PARP8: variants seen among roughly 807,000 people sequenced by gnomAD.
PARP8 encodes protein mono-ADP-ribosyltransferase PARP8.
Under a neutral mutation model 124.1 loss-of-function variants are expected in PARP8, and 51 were observed. That is an observed-to-expected ratio of 0.41 (90% CI 0.33 to 0.52). The LOEUF (loss-of-function observed/expected upper bound fraction) is 0.52. Among genes scored for constraint, PARP8 ranks in the 20% least tolerant of loss-of-function variants. The pLI, the probability that PARP8 is intolerant of heterozygous loss-of-function variation, is 0.21. For missense variants in PARP8, 860 were observed against 1,018.9 expected (o/e 0.84, Z 2.12); for synonymous variants, 391 against 361.5 (o/e 1.08, Z -0.93).
chr5:50,796,361 G>A (rs1742555319), intron 12 of PARP8, among the ~76,000 whole-genome samples: 1 of 152,130 alleles, frequency 6.6e-6, no homozygotes, highest in South Asian at 2.1e-4. Context: ...TATCTGAAAA[G>A]TTGAGTATGT....
At chr5:50,763,110 C>T (rs756914587) in intron 6 of PARP8, 38 bp from the exon 7 acceptor site, 1 of 1,506,336 alleles carries the variant, frequency 6.6e-7, no homozygotes. Context: ...TGATTCTGTT[C>T]ACTTCTGAGA....
chr5:50,775,421 G>A (rs907998127), intron 7 of PARP8, among the ~76,000 whole-genome samples: 12 of 152,112 alleles, frequency 7.9e-5, no homozygotes, highest in Admixed American at 3.9e-4. Flanking sequence ...CAAGCGTGGC[G>A]GCGCGTGCCT....
At chr5:50,827,115 T>C (rs1746435274) in intron 19 of PARP8, among the ~76,000 whole-genome samples, 1 of 152,156 alleles carries the variant, frequency 6.6e-6, no homozygotes, top group African/African-American at 2.4e-5. Context: ...TAATGTGCTT[T>C]ATAATCGTTG....
Position 50,667,177 on chromosome 5 carries a change from C to T in PARP8, c.82C>T (p.Leu28=), listed in dbSNP as rs1303752376. 6.3e-7 allele frequency: 1 copy of T among 1,596,408 alleles called. No homozygotes were observed. Among genetic ancestry groups the T allele is most frequent in the Admixed American group, 1.7e-5 (1 of 60,014 alleles). Residue 28 remains leucine (L), a synonymous_variant, in exon 1 of 26, where the codon CTG becomes TTG. Coordinates refer to ENST00000281631, the MANE Select transcript of PARP8 (RefSeq NM_024615.4). The part of the protein sequence containing the change: ...IQKSRAEKDC[L]FADFRYSDST... ...GAAGTCCAGAGCTGAGAAGGACTGCCTGTTTGCAGGTGAGTTCTTGCTTTT... is the reference window on the plus strand; with the variant it reads ...GAAGTCCAGAGCTGAGAAGGACTGCTTGTTTGCAGGTGAGTTCTTGCTTTT...
intron 4 of PARP8, 151 bp from the exon 5 acceptor site, chr5:50,760,141 C>A (rs1760398300): frequency 2.7e-6 from 2 of 741,520 alleles, no homozygotes; most frequent in South Asian, 5.2e-5. Context: ...TTGTGTAACT[C>A]CTCAACATGA....
Position 50,763,171 on chromosome 5 carries a change from C to T in PARP8, c.447C>T (p.His149=). Residue 149 remains histidine, a synonymous_variant, in exon 7 of 26, where the codon CAC becomes CAT. Transcript: ENST00000281631. The part of the protein sequence containing the change: ...GGQVNYDGEL[H]KHPQLEADLS... Reference sequence around the variant, plus strand: ...AGGTGAACTATGATGGGGAACTGCACAAGCACCCACAACTGGAAGCTGATT... The same window carrying T: ...AGGTGAACTATGATGGGGAACTGCATAAGCACCCACAACTGGAAGCTGATT... The T allele has an allele frequency of 6.2e-7, 1 of 1,613,504 alleles. No individual in the cohort carries two copies. The highest frequency in any genetic ancestry group is 1.1e-5 in the South Asian group (1 of 91,070).
chr5:50,825,083 A>G (rs1580472051), intron 18 of PARP8, 108 bp downstream of exon 18: 1 of 893,124 alleles, frequency 1.1e-6, no homozygotes, highest in East Asian at 2.5e-5. Flanking sequence ...CAAGCCCTGC[A>G]ATGCTATAGT....
intron 2 of PARP8, among the ~76,000 whole-genome samples, chr5:50,697,548 C>T (rs748103428): frequency 6.6e-6 from 1 of 152,224 alleles, no homozygotes; most frequent in Non-Finnish European, 1.5e-5. Context: ...CTTGCTCTGT[C>T]ATCCAGGCAG....
chr5:50,689,002 G>A (rs567942736), intron 2 of PARP8, among the ~76,000 whole-genome samples: 13 of 145,898 alleles, frequency 8.9e-5, no homozygotes, highest in Non-Finnish European at 2.0e-4. Flanking sequence ...TTGACAAGAT[G>A]TTTAAATATG....
chr5:50,680,459 T>A (rs185859820), intron 2 of PARP8, among the ~76,000 whole-genome samples: 310 of 152,274 alleles, frequency 2.0e-3, no homozygotes, highest in African/African-American at 7.1e-3. Flanking sequence ...TGTGTGTCTG[T>A]TTACAACATA....
intron 9 of PARP8, among the ~76,000 whole-genome samples, chr5:50,782,704 C>T (rs1740805299): frequency 1.3e-5 from 2 of 152,192 alleles, no homozygotes; most frequent in South Asian, 4.1e-4. Context: ...TGCCCAATCT[C>T]AGTATCCCAT....
chr5:50,766,948 A>G (rs1761114321), intron 7 of PARP8, among the ~76,000 whole-genome samples: 1 of 152,226 alleles, frequency 6.6e-6, no homozygotes, highest in South Asian at 2.1e-4. Flanking sequence ...TCTCATTTGT[A>G]GTGGCCAGTA....
At chr5:50,831,531 C>T (rs1239273603) in intron 22 of PARP8, among the ~76,000 whole-genome samples, 1 of 151,852 alleles carries the variant, frequency 6.6e-6, no homozygotes, top group African/African-American at 2.4e-5. Flanking sequence ...TGTAAGATAC[C>T]GTAGAGATAG....
At position 50,795,219 on chromosome 5, in the gene PARP8, T is replaced by C. The variant is rs1205001552; in HGVS notation, c.1230T>C (p.Ser410=). ...NLKPHKLLSR[S]YSSNLRMEEL... ...AGCCCCATAAACTGTTAAGCAGGTC[T>C]TACTCTAGTAATCTCAGAATGGAAG... The change falls in exon 12 of 26, where the codon TCT becomes TCC. Residue 410 remains serine, a synonymous_variant. Coordinates refer to ENST00000281631, the MANE Select transcript of PARP8 (RefSeq NM_024615.4). The C allele has an allele frequency of 6.2e-7, 1 of 1,614,196 alleles. No individual in the cohort carries two copies. The highest frequency in any genetic ancestry group is 1.1e-5 in the South Asian group (1 of 91,080).
At chr5:50,813,227 A>G (rs997026120) in intron 14 of PARP8, among the ~76,000 whole-genome samples, 7 of 152,192 alleles carry the variant, frequency 4.6e-5, no homozygotes, top group African/African-American at 9.7e-5. Context: ...ATCCATGACC[A>G]TGGAATATTC....
intron 2 of PARP8, among the ~76,000 whole-genome samples, chr5:50,715,661 G>A (rs1003884312): frequency 1.3e-5 from 2 of 151,738 alleles, no homozygotes; most frequent in African/African-American, 4.8e-5. Context: ...AGTAACAAGG[G>A]GAACAGGTAA....
intron 18 of PARP8, among the ~76,000 whole-genome samples, chr5:50,825,293 C>T (rs539208889): frequency 6.6e-6 from 1 of 152,290 alleles, no homozygotes; most frequent in South Asian, 2.1e-4. Context: ...CATTTTGGTT[C>T]ATTTAATTTT....
intron 7 of PARP8, 123 bp downstream of exon 7, chr5:50,763,365 G>C: frequency 1.5e-6 from 1 of 686,538 alleles, no homozygotes; most frequent in Non-Finnish European, 2.5e-6. Flanking sequence ...TTTAGAAAGA[G>C]TCTACTGTTT....
intron 7 of PARP8, among the ~76,000 whole-genome samples, chr5:50,766,357 T>A (rs1322344783): frequency 1.3e-5 from 2 of 152,230 alleles, no homozygotes; most frequent in African/African-American, 4.8e-5. Context: ...AAACGCATTT[T>A]ATGTTTTTCA....
Sources: gnomAD v4.1 joint callset for allele counts (sites outside exome capture counted in the v4.1 genomes callset) on GRCh38, gnomAD v4.1.1 for gene constraint, MANE v1.5 for transcripts, NCBI Gene and HGNC (gene_info 2026-07-23, HGNC 2026-07-21) for gene names.